Variants in PSD3 observed in about 807,000 individuals in gnomAD.
The protein encoded by PSD3 is PH and SEC7 domain-containing protein 3.
A neutral mutation model predicts 105.5 loss-of-function variants in PSD3; 49 were observed. The observed-to-expected ratio is 0.46, with a 90% CI of 0.37 to 0.59. The LOEUF (loss-of-function observed/expected upper bound fraction) is 0.59, where lower values mean the gene tolerates loss of function less well. PSD3 is among the 20% of genes least tolerant of loss of function. The probability of loss-of-function intolerance (pLI) is 0.00; values close to 1 mark genes in which losing one functional copy is unlikely to be tolerated. For missense variants in PSD3, 1,561 were observed against 1,263.8 expected, an observed-to-expected ratio of 1.24 and a Z score of -3.57; for synonymous variants, 557 against 457.8, an observed-to-expected ratio of 1.22 and a Z score of -2.77.
At chr8:18,628,678 C>T (rs1250092989) in intron 11 of PSD3, among the ~76,000 whole-genome samples, 1 of 151,834 alleles carries the variant, frequency 6.6e-6, no homozygotes, top group Admixed American at 6.6e-5. Context: ...ATCACAAAGG[C>T]TAGGAAGAGA....
chr8:18,840,298 G>C (rs182205436), intron 4 of PSD3, among the ~76,000 whole-genome samples: 145 of 152,294 alleles, frequency 9.5e-4, no homozygotes, highest in African/African-American at 3.3e-3. Flanking sequence ...AAACCAAAAT[G>C]TCTCAAACAC....
At chr8:18,916,077 A>C (rs1206935747) in intron 2 of PSD3, among the ~76,000 whole-genome samples, 2 of 151,864 alleles carry the variant, frequency 1.3e-5, no homozygotes, top group Non-Finnish European at 2.9e-5. Context: ...GCCTGGGCAA[A>C]AAGAGCGAAA....
intron 2 of PSD3, among the ~76,000 whole-genome samples, chr8:18,917,922 T>G (rs890146145): frequency 2.0e-5 from 3 of 152,082 alleles, no homozygotes; most frequent in Non-Finnish European, 2.9e-5. Context: ...TGTGGGCAGG[T>G]GGGCGTGTGT....
At chr8:18,718,099 A>T (rs546757073) in intron 9 of PSD3, among the ~76,000 whole-genome samples, 464 of 152,306 alleles carry the variant, frequency 3.0e-3, no homozygotes, top group Non-Finnish European at 5.4e-3. Flanking sequence ...ACCCTGCCCT[A>T]GTGAGCCCTT....
chr8:18,847,902 A>G lies in PSD3; in HGVS notation c.1634+19772T>C, dbSNP rs532998240. 3.9e-5 allele frequency among the ~76,000 whole-genome samples: 6 copies of G among 152,336 alleles called. No homozygotes were observed. In the South Asian group the frequency reaches 1.2e-3, roughly 32 times the overall value. ...GGCTAGTGAGAATCAGCAAGATAGG[A>G]TGTGGGCTGCAGAAACAATCGGGGA... On this transcript the variant is annotated intron_variant, in intron 4 of 15. Transcript: ENST00000327040.
intron 1 of PSD3, among the ~76,000 whole-genome samples, chr8:19,074,605 ATATATATTTTTTTTT>A (rs1829392838): frequency 9.8e-4 from 18 of 18,420 alleles, no homozygotes; most frequent in Admixed American, 8.9e-3. Context: ...ATATATATAT[ATATATATTTTTTTTT>A]TTTTTTTTTT....
At chr8:18,764,760 C>CA (rs1806829634) in intron 9 of PSD3, among the ~76,000 whole-genome samples, 1 of 152,102 alleles carries the variant, frequency 6.6e-6, no homozygotes, top group South Asian at 2.1e-4. Flanking sequence ...AGGCTAGAAT[C>CA]AAAAAGACAA....
At chr8:18,773,176 G>A (rs1000094662) in intron 8 of PSD3, among the ~76,000 whole-genome samples, 1 of 152,096 alleles carries the variant, frequency 6.6e-6, no homozygotes, top group South Asian at 2.1e-4. Flanking sequence ...TTAAAACATT[G>A]AGATAATTTT....
At chr8:18,683,014 G>A (rs1429516803) in intron 9 of PSD3, among the ~76,000 whole-genome samples, 1 of 152,144 alleles carries the variant, frequency 6.6e-6, no homozygotes, top group East Asian at 1.9e-4. Flanking sequence ...TAAACCTGTG[G>A]AGTGGGAGTG....
upstream of PSD3, among the ~76,000 whole-genome samples, chr8:19,013,880 G>T (rs1329055872): frequency 6.6e-6 from 1 of 150,578 alleles, no homozygotes; most frequent in Non-Finnish European, 1.5e-5. Flanking sequence ...CTCGGGGAGG[G>T]GGGAGGTGGC....
At chr8:18,975,932 A>G (rs1824921697) in intron 1 of PSD3, among the ~76,000 whole-genome samples, 2 of 152,204 alleles carry the variant, frequency 1.3e-5, no homozygotes, top group Non-Finnish European at 2.9e-5. Context: ...TACTTTTATC[A>G]TTCTTCTAGA....
intron 9 of PSD3, among the ~76,000 whole-genome samples, chr8:18,717,497 CT>C (rs1802676295): frequency 6.6e-6 from 1 of 151,946 alleles, no homozygotes; most frequent in Non-Finnish European, 1.5e-5. Flanking sequence ...ATGTTGCAAG[CT>C]TTTGAGCCAA....
intron 15 of PSD3, among the ~76,000 whole-genome samples, chr8:18,545,342 G>C (rs1800394023): frequency 6.6e-6 from 1 of 152,124 alleles, no homozygotes; most frequent in Non-Finnish European, 1.5e-5. Flanking sequence ...CAAGGCCTCT[G>C]GCTCTGGCTG....
chr8:18,833,386 G>C (rs538931946), intron 4 of PSD3, among the ~76,000 whole-genome samples: 37 of 152,254 alleles, frequency 2.4e-4, no homozygotes, highest in African/African-American at 8.4e-4. Flanking sequence ...CTTTGCTTGA[G>C]GTCCATCTTG....
chr8:18,664,696 C>T (rs865985987), intron 9 of PSD3, among the ~76,000 whole-genome samples: 2 of 152,128 alleles, frequency 1.3e-5, no homozygotes, highest in South Asian at 4.1e-4. Context: ...GAAGATAATG[C>T]CATCTAGGAC....
chr8:18,755,487 A>ATAAG (rs1396646575), intron 9 of PSD3, among the ~76,000 whole-genome samples: 3,953 of 80,800 alleles, frequency 0.049, 93 homozygotes, highest in Non-Finnish European at 0.064. Flanking sequence ...CATAACATAA[A>ATAAG]AATGCTCCAA....
At chr8:18,675,702 T>A (rs541315847) in intron 9 of PSD3, among the ~76,000 whole-genome samples, 7 of 152,180 alleles carry the variant, frequency 4.6e-5, no homozygotes, top group South Asian at 2.1e-4. Flanking sequence ...CAGTGGATTT[T>A]AAAAAAAGAA....
intron 8 of PSD3, 148 bp downstream of exon 8, chr8:18,799,147 C>A: frequency 1.4e-6 from 1 of 702,604 alleles, no homozygotes; most frequent in Non-Finnish European, 2.4e-6. Flanking sequence ...AAAATTATTT[C>A]TTTTTTCAAA....
chr8:18,800,712 A>C (rs958235410), intron 7 of PSD3, among the ~76,000 whole-genome samples: 1 of 152,234 alleles, frequency 6.6e-6, no homozygotes, highest in African/African-American at 2.4e-5. Context: ...TATTAAAATC[A>C]TCAACAAAAG....
Sources: gnomAD v4.1 joint callset for allele counts (sites outside exome capture counted in the v4.1 genomes callset) on GRCh38, gnomAD v4.1.1 for gene constraint, MANE v1.5 for transcripts, NCBI Gene and HGNC (gene_info 2026-07-23, HGNC 2026-07-21) for gene names.